The following TAFA2 variants were observed in gnomAD, a reference collection of about 807,000 sequenced individuals.
TAFA2 encodes TAFA chemokine like family member 2.
A neutral mutation model predicts 18.8 loss-of-function variants in TAFA2; 7 were observed. That is an observed-to-expected ratio of 0.37 (90% CI 0.21 to 0.70). The LOEUF (loss-of-function observed/expected upper bound fraction) is 0.70. Among genes scored for constraint, TAFA2 ranks in the 30% least tolerant of loss-of-function variants. The pLI is 0.53. For synonymous variants in TAFA2, 60 were observed against 54.2 expected (o/e 1.11, Z -0.47); for missense variants, 122 against 158.1 (o/e 0.77, Z 1.23).
chr12:61,859,525 C>A (rs1394597709), intron 2 of TAFA2, among the ~76,000 whole-genome samples: 1 of 152,208 alleles, frequency 6.6e-6, no homozygotes, highest in Non-Finnish European at 1.5e-5. Context: ...CTCACTGCAA[C>A]CTCCGCCTAC....
At chr12:62,018,972 T>G (rs543654519) in intron 1 of TAFA2, among the ~76,000 whole-genome samples, 1 of 152,014 alleles carries the variant, frequency 6.6e-6, no homozygotes, top group African/African-American at 2.4e-5. Flanking sequence ...TCAAACAAAT[T>G]TATAAGAAAA....
intron 4 of TAFA2, among the ~76,000 whole-genome samples, chr12:61,750,915 C>G (rs1868982240): frequency 6.6e-6 from 1 of 152,108 alleles, no homozygotes; most frequent in Middle Eastern, 3.2e-3. Context: ...TCTGGCCTTT[C>G]CAATTGTGGC....
intron 1 of TAFA2, among the ~76,000 whole-genome samples, chr12:62,199,060 C>T (rs1245637): frequency 0.53 from 80,846 of 152,110 alleles, 22,255 homozygotes; most frequent in East Asian, 0.7. Context: ...GTTTTTGGCT[C>T]ATTCTTCCCG....
At chr12:62,215,445 A>G (rs1249300793) in intron 1 of TAFA2, among the ~76,000 whole-genome samples, 1 of 152,026 alleles carries the variant, frequency 6.6e-6, no homozygotes, top group Non-Finnish European at 1.5e-5. Context: ...CATTTTCACC[A>G]AGCTCTTGCT....
chr12:61,718,381 A>C (rs549313712), intron 4 of TAFA2, among the ~76,000 whole-genome samples: 7 of 152,310 alleles, frequency 4.6e-5, no homozygotes, highest in Non-Finnish European at 1.0e-4. Context: ...ATTTTTAAGT[A>C]GCTAATAAAT....
chr12:61,889,955 C>A (rs1875555523), intron 1 of TAFA2, among the ~76,000 whole-genome samples: 1 of 152,194 alleles, frequency 6.6e-6, no homozygotes, highest in Non-Finnish European at 1.5e-5. Flanking sequence ...ATAAATCACT[C>A]CATTTCTTTT....
intron 1 of TAFA2, among the ~76,000 whole-genome samples, chr12:62,098,986 C>T (rs1185446399): frequency 6.6e-6 from 1 of 151,934 alleles, no homozygotes; most frequent in East Asian, 1.9e-4. Flanking sequence ...AACCATAAGA[C>T]CACTTGAGGT....
intron 1 of TAFA2, among the ~76,000 whole-genome samples, chr12:62,039,818 G>A (rs143765876): frequency 7.3e-4 from 111 of 152,214 alleles, no homozygotes; most frequent in Non-Finnish European, 1.4e-3. Flanking sequence ...GCATGCATAC[G>A]ATTCACCTGG....
intron 1 of TAFA2, among the ~76,000 whole-genome samples, chr12:62,005,948 A>C (rs775464123): frequency 2.0e-5 from 3 of 152,222 alleles, no homozygotes; most frequent in Non-Finnish European, 2.9e-5. Context: ...TCTACTTATT[A>C]AAATTTACAA....
At chr12:61,982,016 A>G (rs991374000) in intron 1 of TAFA2, among the ~76,000 whole-genome samples, 1 of 152,202 alleles carries the variant, frequency 6.6e-6, no homozygotes, top group Non-Finnish European at 1.5e-5. Flanking sequence ...CACTATTCAC[A>G]ATAGCAAAGA....
intron 1 of TAFA2, among the ~76,000 whole-genome samples, chr12:62,179,322 C>A (rs890394855): frequency 6.6e-6 from 1 of 152,102 alleles, no homozygotes; most frequent in Non-Finnish European, 1.5e-5. Context: ...AAGATGTGTT[C>A]AAGTGACAGA....
chr12:61,952,888 G>C (rs999342248), intron 1 of TAFA2, among the ~76,000 whole-genome samples: 6 of 151,878 alleles, frequency 4.0e-5, no homozygotes, highest in African/African-American at 1.5e-4. Context: ...TTGCACCCAA[G>C]ATCAAGTTTT....
chr12:62,127,348 T>C lies in TAFA2; in HGVS notation c.-2+63911A>G, dbSNP rs576495625. ...TACCCACTCCTAAGTCTTTCCTTTC[T>C]CCATTGGCAGGTATAATAAACCTTT... On this transcript the variant is annotated intron_variant, in intron 1 of 4. Coordinates refer to ENST00000416284, the MANE Select transcript of TAFA2 (RefSeq NM_178539.5). Among the ~76,000 whole-genome samples the C allele has an allele frequency of 2.6e-5, 4 of 152,156 alleles. No homozygotes were observed. The South Asian group carries it at 8.3e-4, about 32-fold the overall frequency.
intron 1 of TAFA2, among the ~76,000 whole-genome samples, chr12:62,115,992 G>T (rs927778040): frequency 3.3e-5 from 5 of 152,028 alleles, no homozygotes; most frequent in Non-Finnish European, 7.4e-5. Flanking sequence ...GAGAGAAAAA[G>T]GAATCATTAA....
chr12:62,082,023 T>C (rs1346513974), intron 1 of TAFA2, among the ~76,000 whole-genome samples: 13 of 151,994 alleles, frequency 8.6e-5, no homozygotes, highest in Admixed American at 8.5e-4. Context: ...AGCTCCCACT[T>C]ATAAGTGAGA....
chr12:62,008,027 T>C (rs376170933), intron 1 of TAFA2, among the ~76,000 whole-genome samples: 2 of 152,306 alleles, frequency 1.3e-5, no homozygotes, highest in East Asian at 1.9e-4. Context: ...TCTCTACTTC[T>C]ATGAGATCAG....
At chr12:61,999,667 G>A (rs888434634) in intron 1 of TAFA2, among the ~76,000 whole-genome samples, 6 of 152,138 alleles carry the variant, frequency 3.9e-5, no homozygotes, top group Non-Finnish European at 2.9e-5. Context: ...ATGCTGAAGC[G>A]AATACTAGTA....
At chr12:61,903,390 C>G (rs10747950) in intron 1 of TAFA2, among the ~76,000 whole-genome samples, 82,517 of 151,960 alleles carry the variant, frequency 0.54, 23,679 homozygotes, top group African/African-American at 0.73. Context: ...AGAGGCTTTC[C>G]AATTATGTGT....
chr12:61,879,519 G>C, intron 1 of TAFA2: 1 of 711,004 alleles, frequency 1.4e-6, no homozygotes, highest in Admixed American at 1.9e-5. Flanking sequence ...CTGCTGTCAT[G>C]GTCAACCAGA....
Sources: gnomAD v4.1 joint callset for allele counts (sites outside exome capture counted in the v4.1 genomes callset) on GRCh38, gnomAD v4.1.1 for gene constraint, MANE v1.5 for transcripts, NCBI Gene and HGNC (gene_info 2026-07-23, HGNC 2026-07-21) for gene names.